The following ABCG5 variants were observed in gnomAD, a reference collection of about 807,000 sequenced individuals.
The protein encoded by ABCG5 is ATP binding cassette subfamily G member 5.
ABCG5 carries 64 observed loss-of-function variants against 64.5 expected under a neutral mutation model. That is an observed-to-expected ratio of 0.99 (90% CI 0.81 to 1.22). The LOEUF is 1.22. Ranked by LOEUF, ABCG5 falls within the 50% of genes most tolerant of loss-of-function variation. The pLI, the probability that ABCG5 is intolerant of heterozygous loss-of-function variation, is 0.00. For missense variants in ABCG5, 908 were observed against 829.5 expected (o/e 1.09, Z -1.16); for synonymous variants, 385 against 326.3 (o/e 1.18, Z -1.94).
chr2:43,825,035 C>A lies in ABCG5; in HGVS notation c.775-17G>T. 6.2e-7 allele frequency: 1 copy of A among 1,612,800 alleles called. No homozygotes were observed. The highest frequency in any genetic ancestry group is 8.5e-7 in the Non-Finnish European group (1 of 1,179,356). On this transcript the variant is annotated splice_polypyrimidine_tract_variant and intron_variant, in intron 6 of 12. Coordinates refer to ENST00000405322, the MANE Select transcript of ABCG5 (RefSeq NM_022436.3). ...GTCAAAGAGCTGACCAGACAACAGA[C>A]GTAGTTAGTGTGTGATCACAAGGGT... is the stretch of plus-strand genomic sequence containing the variant.
chr2:43,832,366 T>C (rs999195880), intron 2 of ABCG5: 1 of 563,954 alleles, frequency 1.8e-6, no homozygotes, highest in Non-Finnish European at 3.2e-6. Flanking sequence ...CTTTCTCTGC[T>C]TGTTTATTTG....
At position 43,838,530 on chromosome 2, in the gene ABCG5, G is replaced by A. The variant is rs746799324; in HGVS notation, c.143+7C>T. The A allele has an allele frequency of 1.3e-6, 2 of 1,596,708 alleles. No homozygotes were observed. Among genetic ancestry groups the A allele is most frequent in the Non-Finnish European group, 8.5e-7 (1 of 1,172,414 alleles). On this transcript the variant is annotated splice_region_variant and intron_variant, in intron 1 of 12. Transcript: ENST00000405322. The surrounding 1 kb of genome is among the most constrained non-coding windows in gnomAD (Gnocchi z 4.2). ...GGGGAGCAGCAGCAGCAAGGGCTCT[G>A]CCTTACCTGACGCTGTAGGAGGCAT...
downstream of ABCG5, chr2:43,810,038 A>C (rs1666428836): frequency 1.2e-6 from 1 of 841,932 alleles, no homozygotes. Context: ...TACTCAATTC[A>C]GCATGTATAA....
chr2:43,810,288 A>G, downstream of ABCG5: 1 of 862,364 alleles, frequency 1.2e-6, no homozygotes. Context: ...TGTCGCCATC[A>G]GTGGTCTGGA....
At chr2:43,828,284 A>G (rs1667745133) in intron 4 of ABCG5, 169 bp from the exon 5 acceptor site, 1 of 897,074 alleles carries the variant, frequency 1.1e-6, no homozygotes, top group East Asian at 2.6e-5. Flanking sequence ...ATATGATCCA[A>G]TTCGGCTTAA....
chr2:43,811,393 T>C (rs951438061), downstream of ABCG5, among the ~76,000 whole-genome samples: 13 of 152,194 alleles, frequency 8.5e-5, no homozygotes, highest in African/African-American at 3.1e-4. Flanking sequence ...TGAAATGATC[T>C]TTCCTATTTC....
At position 43,822,901 on chromosome 2, in the gene ABCG5, A is replaced by C; in HGVS notation, c.1359T>G (p.Ser453Arg). The change falls in exon 10 of 13, where the codon AGT becomes AGG. Residue 453 changes from serine (S) to arginine (R), a missense_variant. By Grantham distance (110) the Ser-to-Arg change is moderately radical (BLOSUM62 -1). Coordinates refer to ENST00000405322, the MANE Select transcript of ABCG5 (RefSeq NM_022436.3). ...GCCACTTCTGGTAGAGGCCGTCCTG[A>C]CTCTCCTGGTCGCTGACAGCTCGCA... ...PVLRAVSDQE[S>R]QDGLYQKWQM... is the part of the protein sequence containing the mutation. 6.2e-7 allele frequency: 1 copy of C among 1,613,786 alleles called. No homozygotes were observed. The highest frequency in any genetic ancestry group is 1.3e-5 in the African/African-American group (1 of 74,914).
chr2:43,822,897 C>T lies in ABCG5; in HGVS notation c.1363G>A (p.Asp455Asn). Residue 455 changes from aspartate to asparagine, a missense_variant, in exon 10 of 13, where the codon GAC (aspartate) becomes AAC (asparagine). Asp to Asn is a conservative substitution (Grantham distance 23). Transcript: ENST00000405322. ...LRAVSDQESQDGLYQKWQMML... is the reference protein window; with the variant it reads ...LRAVSDQESQNGLYQKWQMML... ...ATCTGCCACTTCTGGTAGAGGCCGT[C>T]CTGACTCTCCTGGTCGCTGACAGCT... is the stretch of plus-strand genomic sequence containing the variant. 1 of 1,614,116 alleles carries T rather than the reference C, an allele frequency of 6.2e-7. No individual in the cohort carries two copies. The highest frequency in any genetic ancestry group is 8.5e-7 in the Non-Finnish European group (1 of 1,180,028).
chr2:43,835,863 T>G (rs1397450637), intron 2 of ABCG5, among the ~76,000 whole-genome samples: 1 of 152,194 alleles, frequency 6.6e-6, no homozygotes, highest in Non-Finnish European at 1.5e-5. Flanking sequence ...GAAAAAAATT[T>G]CTGCTTTTTA....
At chr2:43,818,896 C>T (rs1667016640) in intron 11 of ABCG5, among the ~76,000 whole-genome samples, 1 of 152,024 alleles carries the variant, frequency 6.6e-6, no homozygotes, top group Admixed American at 6.6e-5. Flanking sequence ...AATGAGGAAA[C>T]TAATTTAGAT....
downstream of ABCG5, chr2:43,810,580 A>C: frequency 2.2e-6 from 2 of 923,284 alleles, no homozygotes; most frequent in Non-Finnish European, 2.6e-6. Flanking sequence ...CCATGTCCAC[A>C]TACAAAATAT....
At chr2:43,823,196 A>G (rs997093356) in intron 9 of ABCG5, among the ~76,000 whole-genome samples, 2 of 152,188 alleles carry the variant, frequency 1.3e-5, no homozygotes. Context: ...GTTGTCACCA[A>G]TTCACGAAAA....
Position 43,822,827 on chromosome 2 carries a change from G to A in ABCG5, c.1433C>T (p.Ala478Val). The A allele has an allele frequency of 1.2e-6, 2 of 1,614,154 alleles. No individual in the cohort carries two copies. The highest frequency in any genetic ancestry group is 8.5e-7 in the Non-Finnish European group (1 of 1,180,032). The part of the protein sequence containing the change: ...ALHVLPFSVV[A>V]TMIFSSVCYW... ...GCACACACTGCTGAAAATCATGGTG[G>A]CAACAACGCTGAAGGGGAGGACGTG... is the stretch of plus-strand genomic sequence containing the variant. The change falls in exon 10 of 13, where the codon GCC becomes GTC. Residue 478 changes from alanine (A) to valine (V), a missense_variant. Transcript: ENST00000405322.
intron 10 of ABCG5, chr2:43,822,400 G>T: frequency 8.6e-6 from 4 of 465,148 alleles, no homozygotes; most frequent in Non-Finnish European, 8.4e-6. Flanking sequence ...CTCCTCTGTT[G>T]GTTGCTGTCC....
chr2:43,810,432 G>A, downstream of ABCG5: 1 of 985,358 alleles, frequency 1.0e-6, no homozygotes, highest in African/African-American at 1.7e-5. Context: ...ATCATGTGTT[G>A]CGGATAACCA....
At chr2:43,808,274 A>AAC (rs1553365673), downstream of ABCG5, among the ~76,000 whole-genome samples, 2 of 151,882 alleles carry the variant, frequency 1.3e-5, no homozygotes, top group Middle Eastern at 3.4e-3. Flanking sequence ...GAAAAAAAAA[A>AAC]ACACACAAGG....
chr2:43,832,182 G>C (rs1667992771), intron 2 of ABCG5, 99 bp from the exon 3 acceptor site: 2 of 1,504,652 alleles, frequency 1.3e-6, no homozygotes, highest in Admixed American at 2.0e-5. Context: ...CGCGGGCCAT[G>C]AGTGCTACAT....
In ABCG5 at chr2:43,837,955, G is replaced by T; in HGVS notation, c.144C>A (p.Ser48Arg). Residue 48 changes from serine (S) to arginine (R), a missense_variant and splice_region_variant, in exon 2 of 13, where the codon AGC (serine) becomes AGA (arginine). Physicochemically the swap from Ser to Arg is moderately radical, Grantham distance 110. Transcript: ENST00000405322. ...TGTCCCACCAGGGCCTCACGCGGTG[G>T]CTTTAAAGGAAACCCCAGGAAGGCA... ...LGILHASYSV[S>R]HRVRPWWDIT... is the part of the protein sequence containing the mutation. 1 of 1,613,904 alleles carries T rather than the reference G, an allele frequency of 6.2e-7. No individual in the cohort carries two copies. The highest frequency in any genetic ancestry group is 8.5e-7 in the Non-Finnish European group (1 of 1,179,882).
At chr2:43,821,863 A>T (rs755983159) in intron 10 of ABCG5, among the ~76,000 whole-genome samples, 2 of 150,468 alleles carry the variant, frequency 1.3e-5, no homozygotes, top group Non-Finnish European at 3.0e-5. Context: ...TCTATTTTTC[A>T]TTCTCTCTCT....
Sources: allele counts gnomAD v4.1 joint callset (sites outside exome capture counted in the v4.1 genomes callset), GRCh38; gene constraint gnomAD v4.1.1; non-coding constraint Gnocchi (gnomAD v3.1); transcripts MANE v1.5; gene names NCBI Gene and HGNC (gene_info 2026-07-23, HGNC 2026-07-21).